ZCWPW1: variants seen among roughly 807,000 people sequenced by gnomAD.
ZCWPW1 encodes zinc finger CW-type and PWWP domain containing 1, also known as zinc finger CW-type PWWP domain protein 1.
In ZCWPW1, 56 loss-of-function variants were observed where a neutral mutation model predicts 81.3. The observed-to-expected ratio is 0.69, with a 90% CI of 0.56 to 0.86. The LOEUF is 0.86. ZCWPW1 is among the 40% of genes least tolerant of loss of function. The probability of loss-of-function intolerance (pLI) is 0.00; values close to 1 mark genes in which losing one functional copy is unlikely to be tolerated. For missense variants in ZCWPW1, 650 were observed against 769.8 expected, an observed-to-expected ratio of 0.84 and a Z score of 1.84; for synonymous variants, 250 against 273.7, an observed-to-expected ratio of 0.91 and a Z score of 0.86.
At chr7:100,416,176 GAAGAAGA>G (rs1215371931) in intron 7 of ZCWPW1, 79 bp from the exon 8 acceptor site, 1 of 1,599,102 alleles carries the variant, frequency 6.3e-7, no homozygotes, top group Non-Finnish European at 8.5e-7. Flanking sequence ...GTGAAAGAAG[GAAGAAGA>G]ATCACAGCCT....
At chr7:100,406,171 C>A (rs1302410999) in intron 12 of ZCWPW1, among the ~76,000 whole-genome samples, 1 of 152,176 alleles carries the variant, frequency 6.6e-6, no homozygotes, top group African/African-American at 2.4e-5. Context: ...ATGGTGCTAA[C>A]CCAATGGTTC....
At position 100,401,201 on chromosome 7, in the gene ZCWPW1, T is replaced by C; in HGVS notation, c.1763A>G (p.Glu588Gly). The change falls in exon 18 of 18, where the codon GAA (glutamate) becomes GGA (glycine). Residue 588 changes from glutamate (E) to glycine (G), a missense_variant. Transcript: ENST00000684423. ...CAGGGGTTCCCGGTGTCTGGGCTCT[T>C]CTTTCGCAGATGAGGGGCAGGCCCC... ...CKGACPSSAKEEPRHREPLTQ... is the reference protein window; with the variant it reads ...CKGACPSSAKGEPRHREPLTQ... 6.2e-7 allele frequency: 1 copy of C among 1,614,222 alleles called. No homozygotes were observed. The highest frequency in any genetic ancestry group is 8.5e-7 in the Non-Finnish European group (1 of 1,180,026).
At chr7:100,417,265 G>T in intron 5 of ZCWPW1, 82 bp from the exon 6 acceptor site, 2 of 1,069,356 alleles carry the variant, frequency 1.9e-6, no homozygotes, top group Non-Finnish European at 2.8e-6. Flanking sequence ...TCTCTAAAGT[G>T]TCTTCTCCCT....
At chr7:100,404,122 C>T (rs1792490006) in intron 14 of ZCWPW1, 56 bp downstream of exon 14, 1 of 1,566,464 alleles carries the variant, frequency 6.4e-7, no homozygotes. Context: ...GGGTTGCTGC[C>T]CTCATGAAGG....
rs774584375 is a variant in ZCWPW1 at position 100,406,685 on chromosome 7, T to G, written c.1173+9A>C. ...TCTGTATCACAACAGAACCCCAAGATGTGCTCACCATGACTGATAGCTCCA... is the reference window on the plus strand; with the variant it reads ...TCTGTATCACAACAGAACCCCAAGAGGTGCTCACCATGACTGATAGCTCCA... On this transcript the variant is annotated intron_variant, in intron 12 of 17. Transcript: ENST00000684423. 1.2e-6 allele frequency: 2 copies of G among 1,612,372 alleles called. No homozygotes were observed. The highest frequency in any genetic ancestry group is 8.5e-7 in the Non-Finnish European group (1 of 1,178,396).
At chr7:100,426,352 C>A (rs1361068613) in intron 1 of ZCWPW1, among the ~76,000 whole-genome samples, 1 of 152,002 alleles carries the variant, frequency 6.6e-6, no homozygotes, top group African/African-American at 2.4e-5. Context: ...AATTAGCCAG[C>A]GTGGTGGCAG....
intron 10 of ZCWPW1, 48 bp downstream of exon 10, chr7:100,408,491 C>T (rs751875514): frequency 1.3e-6 from 2 of 1,598,038 alleles, no homozygotes; most frequent in South Asian, 2.3e-5. Context: ...TTGAATCTAC[C>T]TCTCCCAAGT....
In ZCWPW1 at chr7:100,417,481, G is replaced by A. The variant is rs1584273923; in HGVS notation, c.362-298C>T. The A allele has an allele frequency of 1.6e-5, 4 of 244,070 alleles. No homozygotes were observed. The East Asian group carries it at 2.9e-4, about 18-fold the overall frequency. The allele number at this position is 244,070 out of a possible 1,614,324, so 15.1% of individuals were successfully genotyped here. On this transcript the variant is annotated intron_variant, in intron 5 of 17. Transcript: ENST00000684423. ...GCCTGTAATCCTAACACTTTGGGAGGCCGAGGTGGGTGGAATGCCAAACCT... is the reference window on the plus strand; with the variant it reads ...GCCTGTAATCCTAACACTTTGGGAGACCGAGGTGGGTGGAATGCCAAACCT...
chr7:100,419,283 A>G (rs1795926025), intron 4 of ZCWPW1, 94 bp from the exon 5 acceptor site: 5 of 1,078,090 alleles, frequency 4.6e-6, no homozygotes, highest in Admixed American at 4.6e-5. Flanking sequence ...TGAGGCAGTA[A>G]GTTTATAAGA....
chr7:100,423,381 T>C (rs1362304244), intron 2 of ZCWPW1, among the ~76,000 whole-genome samples: 1 of 152,220 alleles, frequency 6.6e-6, no homozygotes, highest in Non-Finnish European at 1.5e-5. Flanking sequence ...ATTTGGTTCA[T>C]ATACACTTCC....
chr7:100,415,922 G>C lies in ZCWPW1; in HGVS notation c.754+53C>G, dbSNP rs923107054. ...TCTAACATCCTAACCCTGCCTCTCT[G>C]CTCTATTTCAAATTTTCAGGCCAAG... is the stretch of plus-strand genomic sequence containing the variant. On this transcript the variant is annotated intron_variant, in intron 8 of 17. Coordinates refer to ENST00000684423, the MANE Select transcript of ZCWPW1 (RefSeq NM_001386010.1). 5 of 1,611,198 alleles carry C rather than the reference G, an allele frequency of 3.1e-6. No individual in the cohort carries two copies. The South Asian group carries it at 4.4e-5, about 14-fold the overall frequency.
intron 5 of ZCWPW1, among the ~76,000 whole-genome samples, chr7:100,418,028 G>T (rs933986653): frequency 6.6e-6 from 1 of 151,904 alleles, no homozygotes; most frequent in Admixed American, 6.6e-5. Context: ...GGGACTAGAG[G>T]TGCACGCCAC....
rs755685982 is a variant in ZCWPW1, at chr7:100,420,668, T to G, written c.-19A>C. On this transcript the variant is annotated 5_prime_UTR_variant, in exon 3 of 18. Coordinates refer to ENST00000684423, the MANE Select transcript of ZCWPW1 (RefSeq NM_001386010.1). ...TCATCATTCAGCTTAGAAACTACGC[T>G]TTGTGTGCCTCTGTTAGAAAAAAGA... 1 of 1,613,920 alleles carries G rather than the reference T, an allele frequency of 6.2e-7. No homozygotes were observed.
intron 16 of ZCWPW1, 128 bp from the exon 17 acceptor site, chr7:100,402,169 G>A: frequency 8.2e-7 from 1 of 1,222,680 alleles, no homozygotes; most frequent in Non-Finnish European, 1.1e-6. Flanking sequence ...GAGTTTTCCT[G>A]GTGGCCTCTG....
chr7:100,424,364 C>T (rs1206147689), intron 2 of ZCWPW1, among the ~76,000 whole-genome samples: 3 of 152,122 alleles, frequency 2.0e-5, no homozygotes, highest in Non-Finnish European at 4.4e-5. Flanking sequence ...GGGAGTAGAA[C>T]TGGGTAGATG....
At chr7:100,402,454 CCT>C in intron 16 of ZCWPW1, 60 bp downstream of exon 16, 2 of 1,576,022 alleles carry the variant, frequency 1.3e-6, no homozygotes, top group Non-Finnish European at 1.7e-6. Context: ...CTGCAGACTC[CCT>C]CTCTACCACT....
At chr7:100,404,509 C>T (rs1034370905) in intron 13 of ZCWPW1, among the ~76,000 whole-genome samples, 5 of 152,108 alleles carry the variant, frequency 3.3e-5, no homozygotes, top group African/African-American at 1.2e-4. Flanking sequence ...TGCAGGCATG[C>T]ACCACCATGC....
chr7:100,423,119 T>C (rs1796636829), intron 2 of ZCWPW1, among the ~76,000 whole-genome samples: 1 of 152,182 alleles, frequency 6.6e-6, no homozygotes, highest in African/African-American at 2.4e-5. Context: ...AACTCCCCTT[T>C]CTACAGATAA....
chr7:100,408,540 AGGGG>A lies in ZCWPW1; in HGVS notation c.987_990del (p.Pro330GlyfsTer5). 1 of 1,613,350 alleles carries A rather than the reference AGGGG, an allele frequency of 6.2e-7. No homozygotes were observed. ...TCTGACTGTGTCATAATGCCCTACCAGGGGTAACCGTATTGCTTGGCCCAGATGA... is the reference window on the plus strand; with the variant it reads ...TCTGACTGTGTCATAATGCCCTACCATAACCGTATTGCTTGGCCCAGATGA... On this transcript the variant is annotated frameshift_variant and splice_region_variant, in exon 10 of 18. Transcript: ENST00000684423. LOFTEE classifies it high-confidence loss of function.
Sources: gnomAD v4.1 joint callset for allele counts (sites outside exome capture counted in the v4.1 genomes callset) on GRCh38, gnomAD v4.1.1 for gene constraint, MANE v1.5 for transcripts, NCBI Gene and HGNC (gene_info 2026-07-23, HGNC 2026-07-21) for gene names.